The following KIF1B variants were observed in gnomAD, a reference collection of about 807,000 sequenced individuals.
The protein encoded by KIF1B is kinesin family member 1B.
In KIF1B, 76 loss-of-function variants were observed where a neutral mutation model predicts 241.9. The ratio of observed to expected loss-of-function variants is 0.31; its 90% CI spans 0.26 to 0.38. The LOEUF is 0.38. KIF1B is among the 10% of genes least tolerant of loss of function. The pLI, the probability that KIF1B is intolerant of heterozygous loss-of-function variation, is 1.00. For synonymous variants in KIF1B, 750 were observed against 796.7 expected, an observed-to-expected ratio of 0.94 and a Z score of 0.99; for missense variants, 1,622 against 2,271.4, an observed-to-expected ratio of 0.71 and a Z score of 5.81.
intron 17 of KIF1B, among the ~76,000 whole-genome samples, chr1:10,294,450 G>A (rs1051735899): frequency 6.6e-6 from 1 of 152,154 alleles, no homozygotes; most frequent in East Asian, 1.9e-4. Flanking sequence ...TATTTCTTGA[G>A]ATTTTTACCC....
chr1:10,280,895 G>A (rs911683633), intron 14 of KIF1B, among the ~76,000 whole-genome samples: 3 of 152,156 alleles, frequency 2.0e-5, no homozygotes, highest in Admixed American at 6.6e-5. Context: ...CTCCTTCTCA[G>A]TTTCCATTTT....
intron 22 of KIF1B, among the ~76,000 whole-genome samples, chr1:10,314,970 T>C (rs1651237006): frequency 6.6e-6 from 1 of 150,950 alleles, no homozygotes; most frequent in African/African-American, 2.5e-5. Flanking sequence ...CTTTTTGCTA[T>C]AATAATTCCA....
At chr1:10,340,609 C>T (rs759994646) in intron 32 of KIF1B, among the ~76,000 whole-genome samples, 2 of 152,068 alleles carry the variant, frequency 1.3e-5, no homozygotes, top group African/African-American at 2.4e-5. Flanking sequence ...TCTGGGAGGC[C>T]GAGGCAGGTG....
intron 8 of KIF1B, 45 bp from the exon 9 acceptor site, chr1:10,272,196 A>C: frequency 9.3e-7 from 1 of 1,077,350 alleles, no homozygotes; most frequent in Non-Finnish European, 1.4e-6. Context: ...ATATAGCAGT[A>C]GTAGAAATTC....
chr1:10,361,131 A>T (rs1638410755), intron 39 of KIF1B, 88 bp downstream of exon 39: 1 of 863,070 alleles, frequency 1.2e-6, no homozygotes, highest in South Asian at 1.3e-5. Flanking sequence ...CGAAGATTCC[A>T]CTTGTTTTGT....
intron 38 of KIF1B, among the ~76,000 whole-genome samples, chr1:10,356,030 AG>A (rs1638231348): frequency 6.6e-6 from 1 of 152,166 alleles, no homozygotes; most frequent in African/African-American, 2.4e-5. Flanking sequence ...AGAAAATTGA[AG>A]GAAGTGATAC....
intron 32 of KIF1B, among the ~76,000 whole-genome samples, chr1:10,340,341 A>C (rs1652345789): frequency 6.6e-6 from 1 of 152,224 alleles, no homozygotes; most frequent in Admixed American, 6.5e-5. Context: ...TACGTGGAGT[A>C]AGAAAACAGA....
At chr1:10,276,805 G>A (rs180834771) in intron 12 of KIF1B, among the ~76,000 whole-genome samples, 32 of 152,264 alleles carry the variant, frequency 2.1e-4, no homozygotes, top group Admixed American at 5.2e-4. Context: ...AGTCGGCCAG[G>A]CGCAGTGGCC....
intron 2 of KIF1B, among the ~76,000 whole-genome samples, chr1:10,255,964 T>TG (rs563700351): frequency 0.02 from 2,782 of 136,154 alleles, 38 homozygotes; most frequent in Non-Finnish European, 0.031. Flanking sequence ...TAGTTGTTGT[T>TG]GTTTTTTTTT....
intron 43 of KIF1B, among the ~76,000 whole-genome samples, chr1:10,367,719 T>TTTTG (rs1303004907): frequency 1.3e-5 from 2 of 150,510 alleles, no homozygotes; most frequent in Admixed American, 6.6e-5. Context: ...TAGGTGTTTT[T>TTTTG]TTTGTTTGTT....
At chr1:10,220,560 C>A (rs1033320742) in intron 1 of KIF1B, among the ~76,000 whole-genome samples, 4 of 152,124 alleles carry the variant, frequency 2.6e-5, no homozygotes, top group Non-Finnish European at 5.9e-5. Flanking sequence ...TACCCAGCTA[C>A]TCCTGAGGCT....
intron 14 of KIF1B, among the ~76,000 whole-genome samples, chr1:10,279,689 CTTTTTTTTTTTTTTTTTT>C (rs34983973): frequency 4.4e-5 from 3 of 67,624 alleles, no homozygotes; most frequent in South Asian, 6.7e-4. Context: ...ACGTTTTTTC[CTTTTTTTTTTTTTTTTTT>C]TTTTTTTTTA....
intron 2 of KIF1B, among the ~76,000 whole-genome samples, chr1:10,251,734 CAA>C (rs1246569045): frequency 7.6e-6 from 1 of 131,332 alleles, no homozygotes. Flanking sequence ...AACTCCGTCT[CAA>C]AAAAAAAAAA....
intron 22 of KIF1B, chr1:10,304,493 A>C: frequency 1.2e-6 from 2 of 1,611,922 alleles, no homozygotes. Flanking sequence ...TACTGTAATT[A>C]TAACACTGGA....
chr1:10,318,383 C>T (rs913569233), intron 22 of KIF1B, among the ~76,000 whole-genome samples: 1 of 151,428 alleles, frequency 6.6e-6, no homozygotes, highest in African/African-American at 2.5e-5. Context: ...CATACTTATA[C>T]CCTTTGTCTC....
chr1:10,337,491 G>A lies in KIF1B; in HGVS notation c.3380G>A (p.Ser1127Asn), dbSNP rs749228080. ...FTFRVTVLQA[S>N]GILPEYADIF... Reference sequence around the variant, plus strand: ...TTCCGAGTAACAGTGTTGCAGGCCAGTGGAATCCTCCCAGAGTATGCAGAT... The same window carrying A: ...TTCCGAGTAACAGTGTTGCAGGCCAATGGAATCCTCCCAGAGTATGCAGAT... Residue 1127 changes from serine to asparagine, a missense_variant, in exon 31 of 49, where the codon AGT becomes AAT. Around this residue, in one of 7 missense-constraint regions of KIF1B, gnomAD observed 803 missense variants for 1,112.0 expected, o/e 0.72. Coordinates refer to ENST00000676179, the MANE Select transcript of KIF1B (RefSeq NM_001365951.3). The surrounding 1 kb of genome is among the most constrained non-coding windows in gnomAD (Gnocchi z 4.0). 15 of 1,614,088 alleles carry A rather than the reference G, an allele frequency of 9.3e-6. No homozygotes were observed. Among genetic ancestry groups the A allele is most frequent in the Non-Finnish European group, 1.3e-5 (15 of 1,180,054 alleles).
intron 1 of KIF1B, among the ~76,000 whole-genome samples, chr1:10,211,461 G>C (rs1321243724): frequency 6.6e-6 from 1 of 152,172 alleles, no homozygotes; most frequent in Non-Finnish European, 1.5e-5. Context: ...TGTGGTCTCG[G>C]CATTCAGCCG....
rs150737970 is a variant in KIF1B, at chr1:10,375,371, A to G, written c.5406A>G (p.Ile1802Met). 62 of 1,610,044 alleles carry G rather than the reference A, an allele frequency of 3.9e-5. No individual in the cohort carries two copies. The highest frequency in any genetic ancestry group is 5.2e-5 in the Non-Finnish European group (61 of 1,176,856). The change falls in exon 48 of 49, where the codon ATA (isoleucine) becomes ATG (methionine). Residue 1802 changes from isoleucine (I) to methionine (M), a missense_variant and splice_region_variant. Physicochemically the swap from Ile to Met is conservative, Grantham distance 10. Transcript: ENST00000676179. ...YAFNPLLAGT[I>M]RSKLSRRCPS... Reference sequence around the variant, plus strand: ...TCAACCCACTTCTAGCTGGCACAATACGGTAAGAAGTTTTGTTGTTGTTGT... The same window carrying G: ...TCAACCCACTTCTAGCTGGCACAATGCGGTAAGAAGTTTTGTTGTTGTTGT...
intron 2 of KIF1B, among the ~76,000 whole-genome samples, chr1:10,253,754 A>G (rs1194710223): frequency 6.6e-6 from 1 of 152,198 alleles, no homozygotes; most frequent in Non-Finnish European, 1.5e-5. Context: ...TTAGAAGTAT[A>G]CTTCTTTGCT....
Sources: allele counts gnomAD v4.1 joint callset (sites outside exome capture counted in the v4.1 genomes callset), GRCh38; gene constraint gnomAD v4.1.1; regional missense constraint gnomAD v4.1.1; non-coding constraint Gnocchi (gnomAD v3.1); transcripts MANE v1.5; gene names NCBI Gene and HGNC (gene_info 2026-07-23, HGNC 2026-07-21).